The following C11orf65 variants were observed in gnomAD, a reference collection of about 807,000 sequenced individuals.
C11orf65 encodes the protein chromosome 11 open reading frame 65, also known as protein MFI.
In C11orf65, 38 loss-of-function variants were observed where a neutral mutation model predicts 35.3. That is an observed-to-expected ratio of 1.08 (90% confidence interval 0.83 to 1.41). The LOEUF is 1.41. Ranked by LOEUF, C11orf65 falls within the 40% of genes most tolerant of loss-of-function variation. C11orf65 has a pLI of 0.00. For synonymous variants in C11orf65, 105 were observed against 114.4 expected (o/e 0.92, Z 0.53); for missense variants, 370 against 367.1 (o/e 1.01, Z -0.06).
chr11:108,453,651 C>G (rs548233022), intron 2 of C11orf65, among the ~76,000 whole-genome samples: 1 of 152,126 alleles, frequency 6.6e-6, no homozygotes, highest in Non-Finnish European at 1.5e-5. Context: ...GTAAAATATA[C>G]GAAATATCTA....
chr11:108,431,967 T>A (rs1023761539), intron 2 of C11orf65, 129 bp from the exon 3 acceptor site: 3 of 459,374 alleles, frequency 6.5e-6, no homozygotes, highest in Non-Finnish European at 7.7e-6. Context: ...CACTAGATTT[T>A]AGAAATATTA....
At chr11:108,356,159 A>G (rs182774981) in intron 2 of C11orf65, 1 of 152,190 alleles carries the variant, frequency 6.6e-6, no homozygotes, top group Non-Finnish European at 1.5e-5. Context: ...GTAACATTTT[A>G]AAAAAATAAT....
intron 3 of C11orf65, among the ~76,000 whole-genome samples, chr11:108,409,662 C>CTGG (rs1456985388): frequency 1.3e-5 from 2 of 152,030 alleles, no homozygotes; most frequent in African/African-American, 4.8e-5. Flanking sequence ...AGGCCATGGA[C>CTGG]TGGTACCAGT....
chr11:108,309,013 A>G, exon 7 of C11orf65: 4 of 1,528,472 alleles, frequency 2.6e-6, no homozygotes, highest in Non-Finnish European at 2.6e-6. Flanking sequence ...CAGGAGTTGG[A>G]GAAGATAAAA....
At chr11:108,357,277 C>A (rs1343885198) in intron 2 of C11orf65, among the ~76,000 whole-genome samples, 1 of 152,236 alleles carries the variant, frequency 6.6e-6, no homozygotes, top group Non-Finnish European at 1.5e-5. Flanking sequence ...TATCCCGCAG[C>A]TGGCTTGGAG....
intron 3 of C11orf65, among the ~76,000 whole-genome samples, chr11:108,422,528 G>A (rs1041321938): frequency 5.3e-5 from 8 of 152,162 alleles, no homozygotes; most frequent in Non-Finnish European, 1.0e-4. Context: ...GAGCAGTAGG[G>A]ACAGGATAGT....
intron 3 of C11orf65, chr11:108,331,779 T>C (rs957108091): frequency 1.4e-6 from 2 of 1,421,062 alleles, no homozygotes; most frequent in African/African-American, 2.8e-5. Flanking sequence ...CCCACTGCAG[T>C]ATCTAGACAG....
At position 108,340,731 on chromosome 11, in the gene C11orf65, T is replaced by G. The variant is rs929244467; in HGVS notation, c.227-5439A>C. 2.0e-5 allele frequency among the ~76,000 whole-genome samples: 3 copies of G among 152,168 alleles called. No individual in the cohort carries two copies. In the South Asian group the frequency reaches 6.2e-4, roughly 32 times the overall value. On this transcript the variant is annotated intron_variant, in intron 2 of 3. Transcript: ENST00000524755. ...TATTCGGTATCTGTGGGGGATTGTT[T>G]CCAGAGCCCCCTGTGGATACTAAAA... is the stretch of plus-strand genomic sequence containing the variant.
At chr11:108,422,114 G>A (rs1020770555) in intron 3 of C11orf65, among the ~76,000 whole-genome samples, 1 of 152,056 alleles carries the variant, frequency 6.6e-6, no homozygotes, top group Non-Finnish European at 1.5e-5. Flanking sequence ...ATTTTTAGTA[G>A]AGACGGGGTT....
At chr11:108,326,689 G>A (rs1033473824), downstream of C11orf65, among the ~76,000 whole-genome samples, 31 of 152,290 alleles carry the variant, frequency 2.0e-4, no homozygotes, top group East Asian at 7.7e-4. Context: ...GCAAACTTAT[G>A]TTGCTACTTC....
At chr11:108,325,796 T>G (rs2085616746) in intron 6 of C11orf65, among the ~76,000 whole-genome samples, 1 of 152,202 alleles carries the variant, frequency 6.6e-6, no homozygotes, top group African/African-American at 2.4e-5. Flanking sequence ...CTTACTATAT[T>G]GATAACAATT....
chr11:108,383,570 G>A (rs1031560405), intron 8 of C11orf65, among the ~76,000 whole-genome samples: 4 of 152,198 alleles, frequency 2.6e-5, no homozygotes, highest in Non-Finnish European at 5.9e-5. Context: ...TTTAGTTGGT[G>A]CTCTGTAACT....
intron 6 of C11orf65, among the ~76,000 whole-genome samples, chr11:108,313,103 C>T (rs951708999): frequency 6.6e-6 from 1 of 152,192 alleles, no homozygotes; most frequent in African/African-American, 2.4e-5. Flanking sequence ...TTGAAATCTC[C>T]TGGCATCTCC....
chr11:108,370,029 G>A lies in C11orf65; in HGVS notation c.226+23179C>T, dbSNP rs75859256. Among the ~76,000 whole-genome samples, 92 of 152,158 alleles carry A rather than the reference G, an allele frequency of 6.0e-4. 1 individual carries two copies. The East Asian group carries it at 0.016, about 27-fold the overall frequency. ...CTTGTCTCTTCATTCTCTTAATGGA[G>A]TTTTTTTGGTTGACAGACATTTTTA... On this transcript the variant is annotated intron_variant, in intron 2 of 3. Transcript: ENST00000524755.
At chr11:108,421,499 T>C (rs1462940291) in intron 3 of C11orf65, among the ~76,000 whole-genome samples, 1 of 151,828 alleles carries the variant, frequency 6.6e-6, no homozygotes, top group Non-Finnish European at 1.5e-5. Flanking sequence ...CTACTAAAAA[T>C]ACAAAAAAAA....
chr11:108,313,144 AAC>A (rs1216776667), intron 6 of C11orf65, among the ~76,000 whole-genome samples: 3 of 152,168 alleles, frequency 2.0e-5, no homozygotes, highest in African/African-American at 7.2e-5. Context: ...ATGTTACAGA[AAC>A]AGTTTATCCT....
At chr11:108,441,888 A>C (rs571610097) in intron 2 of C11orf65, among the ~76,000 whole-genome samples, 7 of 152,366 alleles carry the variant, frequency 4.6e-5, no homozygotes, top group African/African-American at 1.7e-4. Flanking sequence ...AGAAAAGCTG[A>C]AAATTCTAAA....
intron 7 of C11orf65, among the ~76,000 whole-genome samples, chr11:108,391,160 G>T (rs991171985): frequency 1.3e-5 from 2 of 151,098 alleles, no homozygotes; most frequent in Non-Finnish European, 3.0e-5. Context: ...GATTTCTTCT[G>T]TTTTCTTACA....
chr11:108,423,039 G>C lies in C11orf65; in HGVS notation c.174+8707C>G, dbSNP rs182822908. The stretch of plus-strand genomic sequence containing the variant: ...TTGGAAAAGGTTATAAAAAGCACCA[G>C]CTGTGCATTCTGGCCAGATACTATG... On this transcript the variant is annotated intron_variant, in intron 3 of 8. Transcript: ENST00000393084. 9.2e-5 allele frequency among the ~76,000 whole-genome samples: 14 copies of C among 152,300 alleles called. No homozygotes were observed. In the East Asian group the frequency reaches 2.5e-3, roughly 27 times the overall value.
Sources: gnomAD v4.1 joint callset for allele counts (sites outside exome capture counted in the v4.1 genomes callset) on GRCh38, gnomAD v4.1.1 for gene constraint, MANE v1.5 for transcripts, NCBI Gene and HGNC (gene_info 2026-07-23, HGNC 2026-07-21) for gene names.